Variants in SPAG16 observed in about 807,000 individuals in gnomAD.
The protein encoded by SPAG16 is sperm associated antigen 16, also known as sperm-associated antigen 16 protein.
A neutral mutation model predicts 80.4 loss-of-function variants in SPAG16; 86 were observed. The ratio of observed to expected loss-of-function variants is 1.07; its 90% CI spans 0.90 to 1.28. The LOEUF is 1.28. SPAG16 is among the 50% of genes most tolerant of loss of function. SPAG16 has a pLI of 0.00. For synonymous variants in SPAG16, 294 were observed against 265.9 expected, an observed-to-expected ratio of 1.11 and a Z score of -1.03; for missense variants, 870 against 765.3, an observed-to-expected ratio of 1.14 and a Z score of -1.61.
intron 12 of SPAG16, among the ~76,000 whole-genome samples, chr2:213,999,368 C>T (rs192133292): frequency 2.0e-5 from 3 of 152,332 alleles, no homozygotes; most frequent in African/African-American, 4.8e-5. Flanking sequence ...GCAGCTTCCA[C>T]GTGGTGTTGA....
chr2:214,392,673 G>A (rs2126129807), intron 15 of SPAG16, among the ~76,000 whole-genome samples: 1 of 146,726 alleles, frequency 6.8e-6, no homozygotes, highest in East Asian at 2.0e-4. Flanking sequence ...TTAGTGACAG[G>A]TAGATAGAAA....
chr2:213,927,869 G>C (rs143557940), intron 11 of SPAG16, among the ~76,000 whole-genome samples: 1 of 152,296 alleles, frequency 6.6e-6, no homozygotes, highest in East Asian at 1.9e-4. Flanking sequence ...ATAGATTTGA[G>C]AAAGAAGCAT....
chr2:213,889,702 C>CATATATATACATATGCAT (rs2076710798), intron 11 of SPAG16, among the ~76,000 whole-genome samples: 1 of 142,826 alleles, frequency 7.0e-6, no homozygotes, highest in African/African-American at 2.5e-5. Flanking sequence ...TATATATACA[C>CATATATATACATATGCAT]ATATATATAC....
At chr2:213,532,267 CA>C (rs2076094616) in intron 10 of SPAG16, among the ~76,000 whole-genome samples, 1 of 152,196 alleles carries the variant, frequency 6.6e-6, no homozygotes, top group African/African-American at 2.4e-5. Context: ...CTTCCTTTGA[CA>C]AAACAATCTT....
intron 15 of SPAG16, among the ~76,000 whole-genome samples, chr2:214,236,558 G>A (rs938974910): frequency 2.0e-4 from 30 of 151,648 alleles, no homozygotes; most frequent in African/African-American, 6.8e-4. Flanking sequence ...AGGCTGAGAC[G>A]TGAGAATAGC....
chr2:213,542,786 C>G (rs2076493178), intron 10 of SPAG16, among the ~76,000 whole-genome samples: 2 of 151,884 alleles, frequency 1.3e-5, no homozygotes, highest in East Asian at 1.9e-4. Context: ...TTAGTTTGCT[C>G]AATGCTATAT....
At chr2:214,303,221 T>C (rs1694685510) in intron 15 of SPAG16, among the ~76,000 whole-genome samples, 2 of 152,206 alleles carry the variant, frequency 1.3e-5, no homozygotes, top group Admixed American at 1.3e-4. Flanking sequence ...ATAGAATCTG[T>C]GAGATTTGTA....
At chr2:213,978,646 A>G (rs1461840573) in intron 12 of SPAG16, among the ~76,000 whole-genome samples, 3 of 152,138 alleles carry the variant, frequency 2.0e-5, no homozygotes, top group Non-Finnish European at 4.4e-5. Flanking sequence ...TGTCTCACAT[A>G]GTTTTTGGGT....
intron 10 of SPAG16, among the ~76,000 whole-genome samples, chr2:213,496,795 GTATGT>G (rs1305643101): frequency 2.7e-5 from 4 of 150,808 alleles, no homozygotes; most frequent in Non-Finnish European, 4.4e-5. Context: ...TTTCAAGAGA[GTATGT>G]TATATTTTAA....
At chr2:214,223,389 C>T (rs897645110) in intron 15 of SPAG16, among the ~76,000 whole-genome samples, 5 of 151,726 alleles carry the variant, frequency 3.3e-5, no homozygotes, top group South Asian at 2.1e-4. Context: ...AGGTTCACTT[C>T]GAGAGTTGTT....
chr2:213,680,732 C>T (rs1037621792), intron 10 of SPAG16, among the ~76,000 whole-genome samples: 39 of 152,164 alleles, frequency 2.6e-4, no homozygotes, highest in African/African-American at 9.2e-4. Context: ...GCCCATGACA[C>T]AGCCCTTAGG....
chr2:213,602,447 C>G (rs997993841), intron 10 of SPAG16, among the ~76,000 whole-genome samples: 3 of 152,168 alleles, frequency 2.0e-5, no homozygotes, highest in Non-Finnish European at 4.4e-5. Context: ...TCCTGGCCAA[C>G]ATGGTGGAAC....
intron 13 of SPAG16, among the ~76,000 whole-genome samples, chr2:214,057,315 G>C (rs769778174): frequency 6.6e-6 from 1 of 152,010 alleles, no homozygotes; most frequent in Non-Finnish European, 1.5e-5. Flanking sequence ...GCTGCAGGAT[G>C]GATGTTGTGT....
chr2:213,382,257 C>T (rs550748514), intron 9 of SPAG16, among the ~76,000 whole-genome samples: 7 of 152,256 alleles, frequency 4.6e-5, no homozygotes, highest in African/African-American at 1.7e-4. Context: ...TTTACATGTC[C>T]AGACTCATGT....
At chr2:213,875,871 TG>T (rs2106005088) in intron 11 of SPAG16, among the ~76,000 whole-genome samples, 1 of 152,268 alleles carries the variant, frequency 6.6e-6, no homozygotes, top group South Asian at 2.1e-4. Flanking sequence ...TTGATGTCTT[TG>T]ATTGATGCAA....
intron 10 of SPAG16, among the ~76,000 whole-genome samples, chr2:213,689,924 T>C (rs1450601034): frequency 1.3e-5 from 2 of 152,204 alleles, no homozygotes; most frequent in African/African-American, 2.4e-5. Flanking sequence ...CCTTTATACT[T>C]CTTCCAATCT....
chr2:214,346,319 C>A lies in SPAG16; in HGVS notation c.1721-63821C>A, dbSNP rs571373491. ...TTTATTATAGTTTAAATGTTCATTT[C>A]TCTTATGACTAATGTGGCTGAGAAC... is the stretch of plus-strand genomic sequence containing the variant. On this transcript the variant is annotated intron_variant, in intron 15 of 15. Coordinates refer to ENST00000331683, the MANE Select transcript of SPAG16 (RefSeq NM_024532.5). Among the ~76,000 whole-genome samples, 14 of 152,152 alleles carry A rather than the reference C, an allele frequency of 9.2e-5. 1 individual carries two copies. Among genetic ancestry groups the A allele is most frequent in the African/African-American group, 3.4e-4 (14 of 41,482 alleles).
At chr2:213,321,291 G>T (rs1204266684) in intron 5 of SPAG16, among the ~76,000 whole-genome samples, 2 of 151,976 alleles carry the variant, frequency 1.3e-5, no homozygotes, top group Admixed American at 1.3e-4. Flanking sequence ...GCCATGGAAA[G>T]AGTATTGATC....
At chr2:213,424,922 T>C (rs1030118900) in intron 9 of SPAG16, among the ~76,000 whole-genome samples, 4 of 152,182 alleles carry the variant, frequency 2.6e-5, no homozygotes, top group South Asian at 2.1e-4. Context: ...CCTTATAGTT[T>C]GGAGAGCCTT....
Sources: allele counts gnomAD v4.1 joint callset (sites outside exome capture counted in the v4.1 genomes callset), GRCh38; gene constraint gnomAD v4.1.1; transcripts MANE v1.5; gene names NCBI Gene and HGNC (gene_info 2026-07-23, HGNC 2026-07-21).